Variants in FAM234A observed in about 807,000 individuals in gnomAD.
The protein encoded by FAM234A is protein FAM234A.
FAM234A carries 42 observed loss-of-function variants against 49.1 expected under a neutral mutation model. The ratio of observed to expected loss-of-function variants is 0.86; its 90% CI spans 0.67 to 1.11. The LOEUF (loss-of-function observed/expected upper bound fraction) is 1.11. FAM234A is among the 50% of genes least tolerant of loss of function. The pLI, the probability that FAM234A is intolerant of heterozygous loss-of-function variation, is 0.00. For synonymous variants in FAM234A, 369 were observed against 316.2 expected, an observed-to-expected ratio of 1.17 and a Z score of -1.77; for missense variants, 815 against 745.2, an observed-to-expected ratio of 1.09 and a Z score of -1.09.
intron 1 of FAM234A, among the ~76,000 whole-genome samples, chr16:246,726 GTT>G (rs567089337): frequency 8.0e-5 from 11 of 138,010 alleles, no homozygotes; most frequent in Admixed American, 4.4e-4. Context: ...GCCAGCTGGT[GTT>G]TTTTTTTTTT....
At position 265,236 on chromosome 16, in the gene FAM234A, TC is replaced by T; in HGVS notation, c.*216del. On this transcript the variant is annotated 3_prime_UTR_variant, in exon 13 of 13. Transcript: ENST00000399932. ...CCCTGGGCCTCTCTCCCGCCCAGCATCCTCCCTGAGTCCCCACACAGGGCCT... is the reference window on the plus strand; with the variant it reads ...CCCTGGGCCTCTCTCCCGCCCAGCATCTCCCTGAGTCCCCACACAGGGCCT... 2 of 1,376,862 alleles carry T rather than the reference TC, an allele frequency of 1.5e-6. No homozygotes were observed. Among genetic ancestry groups the T allele is most frequent in the Non-Finnish European group, 1.9e-6 (2 of 1,067,776 alleles). The allele number at this position is 1,376,862 out of a possible 1,614,324, so 85.3% of individuals were successfully genotyped here. A position where few individuals can be genotyped will look rare whatever the true frequency, so the allele number is the denominator to read the frequency against.
At position 264,057 on chromosome 16, in the gene FAM234A, C is replaced by T. The variant is rs747826873; in HGVS notation, c.1230C>T (p.Ser410=). The T allele has an allele frequency of 3.0e-5, 49 of 1,613,080 alleles. No homozygotes were observed. Among genetic ancestry groups the T allele is most frequent in the Middle Eastern group, 1.6e-4 (1 of 6,084 alleles). ...TTGGCACTGGAGCCGTCCTGTGTAGCCTAGCCCTCCCGAGCCTCCCTGGGG... is the reference window on the plus strand; with the variant it reads ...TTGGCACTGGAGCCGTCCTGTGTAGTCTAGCCCTCCCGAGCCTCCCTGGGG... ...LDLGTGAVLC[S]LALPSLPGGP... Residue 410 remains serine (S), a synonymous_variant, in exon 11 of 13, where the codon AGC becomes AGT. Transcript: ENST00000399932.
At chr16:245,721 G>A (rs2050780715) in intron 1 of FAM234A, among the ~76,000 whole-genome samples, 2 of 152,060 alleles carry the variant, frequency 1.3e-5, no homozygotes, top group South Asian at 4.1e-4. Context: ...CTGAATTTAT[G>A]TTAGGCCACA....
rs551926447 is a variant in FAM234A at position 261,326 on chromosome 16, C to A, written c.578-58C>A. 9.5e-6 allele frequency: 15 copies of A among 1,575,844 alleles called. 1 individual carries two copies. The African/African-American group carries it at 1.6e-4, about 17-fold the overall frequency. Reference sequence around the variant, plus strand: ...TGCCTGTCACAGGCCTTGCAGTTGCCGGGCTGCTGTTGAAGGGGACTCAGG... The same window carrying A: ...TGCCTGTCACAGGCCTTGCAGTTGCAGGGCTGCTGTTGAAGGGGACTCAGG... On this transcript the variant is annotated intron_variant, in intron 5 of 12. Transcript: ENST00000399932.
In FAM234A at chr16:238,234, G is replaced by A. The variant is rs554061621; in HGVS notation, c.-140+3377G>A. ...AGGTTTCGCCATGTTGGCCAGGCTG[G>A]TCTTGAACTCCTGATGTCAAGTGAT... On this transcript the variant is annotated intron_variant, in intron 1 of 12. Transcript: ENST00000399932. 4.5e-4 allele frequency among the ~76,000 whole-genome samples: 68 copies of A among 152,222 alleles called. No homozygotes were observed. The South Asian group carries it at 0.011, about 26-fold the overall frequency.
downstream of FAM234A, chr16:268,199 T>C (rs2051760535): frequency 5.4e-6 from 1 of 185,610 alleles, no homozygotes; most frequent in Admixed American, 5.4e-5. Flanking sequence ...ACACACGCTA[T>C]ACATACACAC....
At chr16:239,144 C>CAA (rs140296833) in intron 1 of FAM234A, among the ~76,000 whole-genome samples, 1 of 4,944 alleles carries the variant, frequency 2.0e-4, no homozygotes, top group Non-Finnish European at 4.5e-4. Context: ...CTAAAAAATA[C>CAA]AAAAAATTAG....
chr16:237,713 C>CTT (rs398058030), intron 1 of FAM234A, among the ~76,000 whole-genome samples: 2,783 of 137,346 alleles, frequency 0.02, 51 homozygotes, highest in Non-Finnish European at 0.028. Flanking sequence ...TAATGAAATT[C>CTT]TTTTTTTTTT....
downstream of FAM234A, among the ~76,000 whole-genome samples, chr16:266,351 C>G (rs1202125206): frequency 6.6e-6 from 1 of 152,220 alleles, no homozygotes; most frequent in African/African-American, 2.4e-5. Context: ...GGCACCCTGG[C>G]CCCATGCAAG....
intron 1 of FAM234A, among the ~76,000 whole-genome samples, chr16:237,713 C>CTTT (rs398058030): frequency 3.6e-5 from 5 of 137,340 alleles, no homozygotes; most frequent in African/African-American, 5.4e-5. Context: ...TAATGAAATT[C>CTTT]TTTTTTTTTT....
At chr16:262,808 T>G (rs2051525568) in intron 8 of FAM234A, among the ~76,000 whole-genome samples, 1 of 141,624 alleles carries the variant, frequency 7.1e-6, no homozygotes, top group South Asian at 2.2e-4. Context: ...TCTTTTCTGT[T>G]TTTTTTTTTT....
intron 5 of FAM234A, among the ~76,000 whole-genome samples, chr16:261,003 G>A (rs2076643535): frequency 6.6e-6 from 1 of 152,098 alleles, no homozygotes; most frequent in South Asian, 2.1e-4. Context: ...CAGGGGCTTC[G>A]AGAGGTGGGT....
In FAM234A at chr16:264,671, C is replaced by G. The variant is rs369717866; in HGVS notation, c.1402C>G (p.Leu468Val). 2.5e-6 allele frequency: 4 copies of G among 1,612,138 alleles called. No individual in the cohort carries two copies. The highest frequency in any genetic ancestry group is 3.4e-6 in the Non-Finnish European group (4 of 1,179,942). Residue 468 changes from leucine (L) to valine (V), a missense_variant, in exon 12 of 13, where the codon CTG becomes GTG. Coordinates refer to ENST00000399932, the MANE Select transcript of FAM234A (RefSeq NM_032039.4). ...YMFHPTLPRVLLELANVSTHI... is the reference protein window; with the variant it reads ...YMFHPTLPRVVLELANVSTHI... ...GTTCCACCCCACCCTGCCGCGCGTG[C>G]TGCTGGAGCTGGCCAATGTCTCTAC... is the stretch of plus-strand genomic sequence containing the variant.
intron 2 of FAM234A, among the ~76,000 whole-genome samples, chr16:252,122 C>T (rs1308758660): frequency 6.6e-6 from 1 of 151,010 alleles, no homozygotes; most frequent in Non-Finnish European, 1.5e-5. Context: ...TTTGGCCTCC[C>T]AAAGTACTGG....
chr16:244,224 T>TC (rs1245030062), intron 1 of FAM234A, among the ~76,000 whole-genome samples: 1 of 152,194 alleles, frequency 6.6e-6, no homozygotes, highest in East Asian at 1.9e-4. Context: ...CGCCTTGGCC[T>TC]CCCAAAGTGC....
chr16:250,172 C>T (rs1267299340), intron 2 of FAM234A, among the ~76,000 whole-genome samples: 1 of 152,200 alleles, frequency 6.6e-6, no homozygotes, highest in Admixed American at 6.5e-5. Context: ...ACCTCGTGAT[C>T]CTCCCACCTC....
intron 3 of FAM234A, 141 bp from the exon 4 acceptor site, chr16:259,342 G>C (rs1274085918): frequency 1.5e-6 from 1 of 655,294 alleles, no homozygotes; most frequent in African/African-American, 1.8e-5. Flanking sequence ...ACTCATCCTA[G>C]TGAGGAAGAA....
chr16:266,351 C>A (rs1202125206), downstream of FAM234A, among the ~76,000 whole-genome samples: 1 of 152,220 alleles, frequency 6.6e-6, no homozygotes, highest in Admixed American at 6.5e-5. Context: ...GGCACCCTGG[C>A]CCCATGCAAG....
intron 1 of FAM234A, among the ~76,000 whole-genome samples, chr16:235,116 G>C (rs559502882): frequency 5.3e-5 from 8 of 152,360 alleles, no homozygotes; most frequent in African/African-American, 1.9e-4. Flanking sequence ...GCCGCAGCCT[G>C]GGTTTCAGTG....
Sources: allele counts gnomAD v4.1 joint callset (sites outside exome capture counted in the v4.1 genomes callset), GRCh38; gene constraint gnomAD v4.1.1; transcripts MANE v1.5; gene names NCBI Gene and HGNC (gene_info 2026-07-23, HGNC 2026-07-21).